KCNAB1: variants seen among roughly 807,000 people sequenced by gnomAD.
The protein encoded by KCNAB1 is potassium voltage-gated channel subfamily A regulatory beta subunit 1, also known as voltage-gated potassium channel subunit beta-1.
KCNAB1 carries 35 observed loss-of-function variants against 64.6 expected under a neutral mutation model. The observed-to-expected ratio is 0.54, with a 90% confidence interval of 0.41 to 0.72. The LOEUF is 0.72. KCNAB1 is among the 30% of genes least tolerant of loss of function. The pLI is 0.00. For missense variants in KCNAB1, 401 were observed against 512.9 expected, an observed-to-expected ratio of 0.78 and a Z score of 2.11; for synonymous variants, 177 against 183.8, an observed-to-expected ratio of 0.96 and a Z score of 0.30.
chr3:156,143,328 A>T, intron 1 of KCNAB1: 1 of 1,612,582 alleles, frequency 6.2e-7, no homozygotes, highest in Non-Finnish European at 8.5e-7. Context: ...GGCCCAGTGG[A>T]GCAGCCGAAC....
At chr3:156,241,490 T>C (rs1430014927) in intron 1 of KCNAB1, among the ~76,000 whole-genome samples, 2 of 152,218 alleles carry the variant, frequency 1.3e-5, no homozygotes, top group Admixed American at 1.3e-4. Flanking sequence ...ATTCTTTGCC[T>C]TCTGAGTTGG....
chr3:156,153,907 A>C (rs1489968314), intron 1 of KCNAB1, among the ~76,000 whole-genome samples: 1 of 152,222 alleles, frequency 6.6e-6, no homozygotes, highest in East Asian at 1.9e-4. Flanking sequence ...CCACAGTTGC[A>C]TGAGCTAGTT....
intron 1 of KCNAB1, among the ~76,000 whole-genome samples, chr3:156,412,909 T>G (rs1714772877): frequency 6.6e-6 from 1 of 152,230 alleles, no homozygotes; most frequent in Admixed American, 6.5e-5. Flanking sequence ...TTCATTGTTT[T>G]GATGGGGGCT....
At chr3:156,219,530 CAT>C (rs1715558266) in intron 1 of KCNAB1, among the ~76,000 whole-genome samples, 1 of 151,716 alleles carries the variant, frequency 6.6e-6, no homozygotes, top group South Asian at 2.1e-4. Flanking sequence ...GTTTGGAAAA[CAT>C]ATTTGAGGGA....
intron 2 of KCNAB1, among the ~76,000 whole-genome samples, chr3:156,444,889 C>A (rs1248840282): frequency 1.3e-5 from 2 of 152,212 alleles, no homozygotes; most frequent in East Asian, 3.8e-4. Context: ...ATTTAAATCC[C>A]AGCTTTTACT....
At chr3:156,485,850 A>G (rs1715167618) in intron 8 of KCNAB1, among the ~76,000 whole-genome samples, 1 of 151,764 alleles carries the variant, frequency 6.6e-6, no homozygotes, top group Admixed American at 6.6e-5. Context: ...GACGTATTTG[A>G]TTTTCTGATT....
At chr3:156,165,624 A>C (rs1412445961) in intron 1 of KCNAB1, among the ~76,000 whole-genome samples, 1 of 152,220 alleles carries the variant, frequency 6.6e-6, no homozygotes, top group Non-Finnish European at 1.5e-5. Context: ...TACTCCATTG[A>C]TCAACACCTT....
intron 1 of KCNAB1, among the ~76,000 whole-genome samples, chr3:156,334,097 A>G (rs1377147287): frequency 6.6e-6 from 1 of 152,208 alleles, no homozygotes; most frequent in Non-Finnish European, 1.5e-5. Flanking sequence ...ATTTTTAAAT[A>G]CCAAATTTTC....
chr3:156,122,327 A>G (rs1410692671), intron 1 of KCNAB1, among the ~76,000 whole-genome samples: 1 of 152,268 alleles, frequency 6.6e-6, no homozygotes, highest in Non-Finnish European at 1.5e-5. Context: ...GGCAAAGGAA[A>G]GCATTGAAAA....
In KCNAB1 at chr3:156,174,412, A is replaced by G. The variant is rs183500671; in HGVS notation, c.275+53526A>G. 7.5e-3 allele frequency among the ~76,000 whole-genome samples: 1,139 copies of G among 152,354 alleles called. 13 individuals carry two copies. Among genetic ancestry groups the G allele is most frequent in the Non-Finnish European group, 0.012 (786 of 68,028 alleles). ...GCCAGTTTCTTGATGAGAATTCAGC[A>G]GGAGGAGCTCTTTAGCTGTGTGAAC... On this transcript the variant is annotated intron_variant, in intron 1 of 13. Coordinates refer to ENST00000490337, the MANE Select transcript of KCNAB1 (RefSeq NM_172160.3).
chr3:156,368,091 A>G (rs911498271), intron 1 of KCNAB1, among the ~76,000 whole-genome samples: 2 of 152,274 alleles, frequency 1.3e-5, no homozygotes, highest in Non-Finnish European at 2.9e-5. Flanking sequence ...CAAATTTAGC[A>G]AATAAAAATA....
intron 12 of KCNAB1, among the ~76,000 whole-genome samples, chr3:156,529,330 T>C (rs1576981719): frequency 1.3e-5 from 2 of 152,196 alleles, no homozygotes; most frequent in South Asian, 4.1e-4. Flanking sequence ...GTACTTGAGG[T>C]AGGGATCTTA....
At position 156,285,843 on chromosome 3, in the gene KCNAB1, A is replaced by G. The variant is rs1486212464; in HGVS notation, c.276-135773A>G. ...TTTCACACTTGCTTCCTGTAACACT[A>G]TGGCACCTTGCCTTGAGCATATAAA... On this transcript the variant is annotated intron_variant, in intron 1 of 13. Coordinates refer to ENST00000490337, the MANE Select transcript of KCNAB1 (RefSeq NM_172160.3). Among the ~76,000 whole-genome samples the G allele has an allele frequency of 3.3e-5, 5 of 152,226 alleles. No homozygotes were observed. In the South Asian group the frequency reaches 6.2e-4, roughly 19 times the overall value.
At chr3:156,445,066 G>A (rs6797279) in intron 2 of KCNAB1, among the ~76,000 whole-genome samples, 33,780 of 152,208 alleles carry the variant, frequency 0.22, 7,183 homozygotes, top group African/African-American at 0.56. Context: ...GGGAGGCTGC[G>A]GTGGGCGGAT....
At chr3:156,179,732 G>A (rs1297548334) in intron 1 of KCNAB1, among the ~76,000 whole-genome samples, 1 of 152,172 alleles carries the variant, frequency 6.6e-6, no homozygotes, top group African/African-American at 2.4e-5. Context: ...TGTCAATGCT[G>A]TTGCTCAAAA....
chr3:156,526,705 A>G (rs1023442048), intron 12 of KCNAB1, among the ~76,000 whole-genome samples: 2 of 152,188 alleles, frequency 1.3e-5, no homozygotes, highest in Non-Finnish European at 2.9e-5. Flanking sequence ...CTTCATCACC[A>G]TAACAATCCG....
At chr3:156,157,400 G>A (rs929939039) in intron 1 of KCNAB1, among the ~76,000 whole-genome samples, 3 of 152,112 alleles carry the variant, frequency 2.0e-5, no homozygotes, top group Admixed American at 6.5e-5. Context: ...TTCCACAAAT[G>A]ATGATACTTA....
chr3:156,424,988 AC>A (rs1246527810), intron 2 of KCNAB1, among the ~76,000 whole-genome samples: 1 of 152,212 alleles, frequency 6.6e-6, no homozygotes, highest in Non-Finnish European at 1.5e-5. Flanking sequence ...TTGAATAAGC[AC>A]TCTTTCAGAA....
intron 1 of KCNAB1, among the ~76,000 whole-genome samples, chr3:156,134,902 A>G (rs565550149): frequency 6.6e-6 from 1 of 152,336 alleles, no homozygotes; most frequent in South Asian, 2.1e-4. Flanking sequence ...TTTGGTGATT[A>G]AACATTTACA....
Sources: gnomAD v4.1 joint callset for allele counts (sites outside exome capture counted in the v4.1 genomes callset) on GRCh38, gnomAD v4.1.1 for gene constraint, MANE v1.5 for transcripts, NCBI Gene and HGNC (gene_info 2026-07-23, HGNC 2026-07-21) for gene names.